NAT2: variants seen among roughly 807,000 people sequenced by gnomAD.
NAT2 encodes arylamine N-acetyltransferase 2.
For missense variants in NAT2, 428 were observed against 339.1 expected (o/e 1.26, Z -2.06); for synonymous variants, 137 against 125.9 (o/e 1.09, Z -0.59).
chr8:18,400,210 C>T lies in NAT2; in HGVS notation c.207C>T (p.Leu69=), dbSNP rs1163850488. Residue 69 remains leucine, a synonymous_variant, in exon 2 of 2, where the codon CTC becomes CTT. Coordinates refer to ENST00000286479, the MANE Select transcript of NAT2 (RefSeq NM_000015.3). The stretch of plus-strand genomic sequence containing the variant: ...GAAGAAACCGGGGTGGGTGGTGTCT[C>T]CAGGTCAATCAACTTCTGTACTGGG... The part of the protein sequence containing the change: ...IVRRNRGGWC[L]QVNQLLYWAL... The T allele has an allele frequency of 2.5e-6, 4 of 1,612,408 alleles. No individual in the cohort carries two copies. The highest frequency in any genetic ancestry group is 1.7e-5 in the Admixed American group (1 of 59,906).
chr8:18,390,831 G>C (rs1253054122), upstream of NAT2, among the ~76,000 whole-genome samples: 1 of 152,196 alleles, frequency 6.6e-6, no homozygotes, highest in East Asian at 1.9e-4. Flanking sequence ...GTGAATGAGA[G>C]TGAGGATGAG....
upstream of NAT2, among the ~76,000 whole-genome samples, chr8:18,388,565 G>A (rs1390841873): frequency 1.3e-5 from 2 of 148,740 alleles, no homozygotes; most frequent in African/African-American, 2.5e-5. Flanking sequence ...AGAAGATCAG[G>A]AAAGGAAGAA....
In NAT2 at chr8:18,400,771, A is replaced by C; in HGVS notation, c.768A>C (p.Lys256Asn). Residue 256 changes from lysine to asparagine, a missense_variant, in exon 2 of 2, where the codon AAA (lysine) becomes AAC (asparagine). Lys to Asn is a moderately conservative substitution (Grantham distance 94, BLOSUM62 0). Transcript: ENST00000286479. Reference sequence around the variant, plus strand: ...ACAATACAGATCTGGTCGAGTTTAAAACTCTCACTGAGGAAGAGGTTGAAG... The same window carrying C: ...ACAATACAGATCTGGTCGAGTTTAACACTCTCACTGAGGAAGAGGTTGAAG... The part of the protein sequence containing the change: ...YKDNTDLVEF[K>N]TLTEEEVEEV... 1 of 1,613,522 alleles carries C rather than the reference A, an allele frequency of 6.2e-7. No homozygotes were observed. Among genetic ancestry groups the C allele is most frequent in the East Asian group, 2.2e-5 (1 of 44,842 alleles).
intron 1 of NAT2, among the ~76,000 whole-genome samples, chr8:18,392,785 G>A (rs992084880): frequency 6.6e-6 from 1 of 152,182 alleles, no homozygotes; most frequent in African/African-American, 2.4e-5. Context: ...GTAAAGAGTG[G>A]AGACTCAAAG....
In NAT2 at chr8:18,400,875, A is replaced by G. The variant is rs750940890; in HGVS notation, c.872A>G (p.Ter291TrpextTer16). Residue 291 changes from the stop codon to tryptophan (W), a stop_lost, in exon 2 of 2, where the codon TAG (stop) becomes TGG (tryptophan). Transcript: ENST00000286479. ...CCTGGTGATGGATCCCTTACTATTT[A>G]GAATAAGGAACAAAATAAACCCTTG... Reference protein sequence around the residue: ...PKPGDGSLTI* With the variant: ...PKPGDGSLTIW 3 of 1,572,706 alleles carry G rather than the reference A, an allele frequency of 1.9e-6. No individual in the cohort carries two copies. In the East Asian group the frequency reaches 6.7e-5, roughly 35 times the overall value.
At chr8:18,392,027 TACTTC>T (rs1800599320) in intron 1 of NAT2, among the ~76,000 whole-genome samples, 1 of 152,242 alleles carries the variant, frequency 6.6e-6, no homozygotes, top group East Asian at 1.9e-4. Flanking sequence ...TAAGCTCTCC[TACTTC>T]AATATGTCTG....
chr8:18,398,804 A>G (rs865776888), intron 1 of NAT2, among the ~76,000 whole-genome samples: 4 of 152,142 alleles, frequency 2.6e-5, no homozygotes, highest in African/African-American at 9.7e-5. Flanking sequence ...AGTTTCAATG[A>G]TCTACTTAGG....
chr8:18,398,471 G>A (rs951437618), intron 1 of NAT2, among the ~76,000 whole-genome samples: 4 of 152,196 alleles, frequency 2.6e-5, no homozygotes, highest in Non-Finnish European at 5.9e-5. Flanking sequence ...AGAGATTCTA[G>A]TTTGTTTGGC....
At chr8:18,388,111 G>A (rs1484807847), upstream of NAT2, among the ~76,000 whole-genome samples, 1 of 152,132 alleles carries the variant, frequency 6.6e-6, no homozygotes, top group Non-Finnish European at 1.5e-5. Context: ...GAACTTGGTG[G>A]GCATCCTGGA....
chr8:18,397,662 G>C (rs1419534581), intron 1 of NAT2, among the ~76,000 whole-genome samples: 1 of 152,070 alleles, frequency 6.6e-6, no homozygotes, highest in African/African-American at 2.4e-5. Flanking sequence ...ATTGGTTAGA[G>C]CAATAAGGGT....
At chr8:18,388,668 TA>T (rs2117608497), upstream of NAT2, among the ~76,000 whole-genome samples, 1 of 152,332 alleles carries the variant, frequency 6.6e-6, no homozygotes, top group East Asian at 1.9e-4. Flanking sequence ...AAAAGTGAGT[TA>T]GCACATGTGA....
chr8:18,393,511 A>G (rs144325789), intron 1 of NAT2, among the ~76,000 whole-genome samples: 435 of 152,306 alleles, frequency 2.9e-3, no homozygotes, highest in East Asian at 0.027. Flanking sequence ...TAGTCTATAT[A>G]TCTAGAAAAG....
intron 1 of NAT2, among the ~76,000 whole-genome samples, chr8:18,392,830 A>T (rs1039751143): frequency 2.0e-5 from 3 of 152,140 alleles, no homozygotes; most frequent in African/African-American, 7.2e-5. Context: ...TTTTAGTGGC[A>T]ACACAGGTTA....
chr8:18,394,071 A>G (rs4369028), intron 1 of NAT2, among the ~76,000 whole-genome samples: 150,215 of 152,136 alleles, frequency 0.99, 74,197 homozygotes, highest in East Asian at 1. Context: ...GGGTGGGGCC[A>G]TTTTATAGGA....
chr8:18,400,226 C>G lies in NAT2; in HGVS notation c.223C>G (p.Leu75Val), dbSNP rs1371741216. The G allele has an allele frequency of 3.7e-6, 6 of 1,611,736 alleles. No individual in the cohort carries two copies. In the African/African-American group the frequency reaches 5.3e-5, roughly 14 times the overall value. ...GTGGTGTCTCCAGGTCAATCAACTT[C>G]TGTACTGGGCTCTGACCACAATCGG... is the stretch of plus-strand genomic sequence containing the variant. Reference protein sequence around the residue: ...GGWCLQVNQLLYWALTTIGFQ... With the variant: ...GGWCLQVNQLVYWALTTIGFQ... Residue 75 changes from leucine (L) to valine (V), a missense_variant, in exon 2 of 2, where the codon CTG becomes GTG. Transcript: ENST00000286479.
chr8:18,390,796 T>G (rs1469009310), upstream of NAT2, among the ~76,000 whole-genome samples: 1 of 152,070 alleles, frequency 6.6e-6, no homozygotes, highest in Non-Finnish European at 1.5e-5. Flanking sequence ...TTCAGACACA[T>G]TGTGTGTTAC....
chr8:18,400,848 A>C lies in NAT2; in HGVS notation c.845A>C (p.Lys282Thr), dbSNP rs56054745. 8 of 1,603,868 alleles carry C rather than the reference A, an allele frequency of 5.0e-6. No homozygotes were observed. The Admixed American group carries it at 6.9e-5, about 14-fold the overall frequency. ...TCCTTGGGGAGAAATCTCGTGCCCAAACCTGGTGATGGATCCCTTACTATT... is the reference window on the plus strand; with the variant it reads ...TCCTTGGGGAGAAATCTCGTGCCCACACCTGGTGATGGATCCCTTACTATT... ...KISLGRNLVP[K>T]PGDGSLTI Residue 282 changes from lysine to threonine, a missense_variant, in exon 2 of 2, where the codon AAA becomes ACA. By Grantham distance (78) the Lys-to-Thr change is moderately conservative. Coordinates refer to ENST00000286479, the MANE Select transcript of NAT2 (RefSeq NM_000015.3).
upstream of NAT2, among the ~76,000 whole-genome samples, chr8:18,389,388 C>T (rs563412194): frequency 5.3e-5 from 8 of 152,228 alleles, no homozygotes; most frequent in South Asian, 6.2e-4. Context: ...CTGTGTGTCC[C>T]GACTAATTTG....
upstream of NAT2, among the ~76,000 whole-genome samples, chr8:18,386,929 C>G (rs536175872): frequency 6.6e-6 from 1 of 152,232 alleles, no homozygotes; most frequent in Non-Finnish European, 1.5e-5. Flanking sequence ...GACTGTGTCC[C>G]TTTCACATGG....
Sources: allele counts gnomAD v4.1 joint callset (sites outside exome capture counted in the v4.1 genomes callset), GRCh38; gene constraint gnomAD v4.1.1; transcripts MANE v1.5; gene names NCBI Gene and HGNC (gene_info 2026-07-23, HGNC 2026-07-21).